Variants in CNTNAP5 observed in about 807,000 individuals in gnomAD.
The protein encoded by CNTNAP5 is contactin-associated protein-like 5.
In CNTNAP5, 72 loss-of-function variants were observed where a neutral mutation model predicts 150.2. The observed-to-expected ratio is 0.48, with a 90% CI of 0.40 to 0.58. The LOEUF (loss-of-function observed/expected upper bound fraction) is 0.58. Ranked by LOEUF, CNTNAP5 falls within the 20% of genes least tolerant of loss-of-function variation. The pLI, the probability that CNTNAP5 is intolerant of heterozygous loss-of-function variation, is 0.00. For missense variants in CNTNAP5, 1,636 were observed against 1,626.2 expected, an observed-to-expected ratio of 1.01 and a Z score of -0.10; for synonymous variants, 672 against 619.8, an observed-to-expected ratio of 1.08 and a Z score of -1.25.
At chr2:124,388,552 C>T (rs1690993767) in intron 3 of CNTNAP5, among the ~76,000 whole-genome samples, 1 of 152,168 alleles carries the variant, frequency 6.6e-6, no homozygotes, top group African/African-American at 2.4e-5. Context: ...ATTCTAGGCC[C>T]AGTGCCAGGG....
chr2:124,510,223 A>G (rs903376398), intron 8 of CNTNAP5, among the ~76,000 whole-genome samples: 2 of 123,500 alleles, frequency 1.6e-5, no homozygotes, highest in Non-Finnish European at 3.5e-5. Context: ...CAAACAAAAA[A>G]GTAAATTATA....
At position 124,562,450 on chromosome 2, in the gene CNTNAP5, T is replaced by C. The variant is rs988477212; in HGVS notation, c.1650-767T>C. Among the ~76,000 whole-genome samples, 5 of 152,330 alleles carry C rather than the reference T, an allele frequency of 3.3e-5. No homozygotes were observed. The South Asian group carries it at 1.0e-3, about 32-fold the overall frequency. ...GTAATTTTCTAATGTTGGACACTTA[T>C]GTTGATTCACCATTATGAATGGCAT... On this transcript the variant is annotated intron_variant, in intron 10 of 23. Transcript: ENST00000682447.
intron 13 of CNTNAP5, among the ~76,000 whole-genome samples, chr2:124,729,926 A>G (rs1331635140): frequency 1.3e-5 from 2 of 152,120 alleles, no homozygotes; most frequent in Non-Finnish European, 2.9e-5. Flanking sequence ...TATTTCTGTC[A>G]GCTGAAAGGC....
intron 1 of CNTNAP5, among the ~76,000 whole-genome samples, chr2:124,140,255 A>C (rs1262451297): frequency 6.6e-6 from 1 of 151,034 alleles, no homozygotes; most frequent in East Asian, 2.0e-4. Flanking sequence ...TAAACAAAGC[A>C]GCCGGGAAGC....
Position 124,207,050 on chromosome 2 carries a change from C to T in CNTNAP5, c.83-14655C>T, listed in dbSNP as rs539717892. On this transcript the variant is annotated intron_variant, in intron 1 of 23. Coordinates refer to ENST00000682447, the MANE Select transcript of CNTNAP5 (RefSeq NM_001367498.1). Reference sequence around the variant, plus strand: ...ATCAAATGGTAGCCATTCACATTTTCTTAGTATGCTGAATTTATTCCCAAG... The same window carrying T: ...ATCAAATGGTAGCCATTCACATTTTTTTAGTATGCTGAATTTATTCCCAAG... Among the ~76,000 whole-genome samples, 6 of 152,258 alleles carry T rather than the reference C, an allele frequency of 3.9e-5. No homozygotes were observed. In the South Asian group the frequency reaches 1.2e-3, roughly 32 times the overall value.
chr2:124,901,565 G>A (rs778978814), intron 21 of CNTNAP5, among the ~76,000 whole-genome samples: 1 of 152,146 alleles, frequency 6.6e-6, no homozygotes, highest in Non-Finnish European at 1.5e-5. Flanking sequence ...TATTCCCCAA[G>A]AGTGTCAAGA....
At chr2:124,081,967 A>C (rs1682568184) in intron 1 of CNTNAP5, among the ~76,000 whole-genome samples, 1 of 152,150 alleles carries the variant, frequency 6.6e-6, no homozygotes, top group South Asian at 2.1e-4. Context: ...GCCCTTTTAT[A>C]GTCAGTTTCT....
At chr2:124,297,906 G>A (rs906089881) in intron 3 of CNTNAP5, among the ~76,000 whole-genome samples, 5 of 150,796 alleles carry the variant, frequency 3.3e-5, no homozygotes, top group Non-Finnish European at 5.9e-5. Flanking sequence ...GTGCAGTGGC[G>A]CAATCTTGGC....
intron 3 of CNTNAP5, among the ~76,000 whole-genome samples, chr2:124,267,806 A>G (rs1385862144): frequency 6.6e-6 from 1 of 152,208 alleles, no homozygotes; most frequent in African/African-American, 2.4e-5. Flanking sequence ...TGCTCCTGGC[A>G]AGCAAACTGT....
chr2:124,531,281 G>C (rs1302993411), intron 10 of CNTNAP5, among the ~76,000 whole-genome samples: 1 of 152,102 alleles, frequency 6.6e-6, no homozygotes, highest in Non-Finnish European at 1.5e-5. Context: ...AGTAATGTGA[G>C]TGACGAGGAG....
At chr2:124,526,556 G>GCT (rs1337605141) in intron 9 of CNTNAP5, among the ~76,000 whole-genome samples, 1 of 152,086 alleles carries the variant, frequency 6.6e-6, no homozygotes, top group Non-Finnish European at 1.5e-5. Context: ...TACCTGCAAG[G>GCT]CTCTATACCT....
chr2:124,371,226 C>G (rs1690517237), intron 3 of CNTNAP5, among the ~76,000 whole-genome samples: 1 of 152,054 alleles, frequency 6.6e-6, no homozygotes, highest in African/African-American at 2.4e-5. Context: ...TTGCTGTTTT[C>G]TCAAAATTGC....
intron 1 of CNTNAP5, among the ~76,000 whole-genome samples, chr2:124,161,937 T>C (rs1684690457): frequency 6.6e-6 from 1 of 152,186 alleles, no homozygotes; most frequent in Non-Finnish European, 1.5e-5. Flanking sequence ...TATTTAATCA[T>C]ATCAAGACTT....
chr2:124,477,423 A>G (rs1214842341), intron 7 of CNTNAP5, among the ~76,000 whole-genome samples: 1 of 152,110 alleles, frequency 6.6e-6, no homozygotes, highest in African/African-American at 2.4e-5. Context: ...TCACACTTGG[A>G]TTAAAGATTG....
intron 7 of CNTNAP5, among the ~76,000 whole-genome samples, chr2:124,489,547 G>A (rs995818767): frequency 6.6e-6 from 1 of 152,166 alleles, no homozygotes; most frequent in Non-Finnish European, 1.5e-5. Flanking sequence ...TGAATTTAGA[G>A]GAAACACAGT....
chr2:124,231,677 G>A (rs1340751142), intron 2 of CNTNAP5, among the ~76,000 whole-genome samples: 1 of 152,112 alleles, frequency 6.6e-6, no homozygotes, highest in Admixed American at 6.6e-5. Flanking sequence ...ATGCCTGAGG[G>A]AAAAACTAAC....
chr2:124,098,954 A>G (rs1326571429), intron 1 of CNTNAP5, among the ~76,000 whole-genome samples: 1 of 152,178 alleles, frequency 6.6e-6, no homozygotes, highest in East Asian at 1.9e-4. Flanking sequence ...TAATGATAAT[A>G]ATACTAACAT....
chr2:124,112,723 A>T (rs1007717951), intron 1 of CNTNAP5, among the ~76,000 whole-genome samples: 1 of 152,098 alleles, frequency 6.6e-6, no homozygotes, highest in African/African-American at 2.4e-5. Flanking sequence ...TCCTCCCAAA[A>T]AAAACCCCAT....
intron 13 of CNTNAP5, among the ~76,000 whole-genome samples, chr2:124,706,792 A>AAGAAGG (rs1159335277): frequency 8.1e-5 from 2 of 24,540 alleles, no homozygotes; most frequent in African/African-American, 1.6e-4. Context: ...GAAGAAGAAG[A>AAGAAGG]AGAAGGAGGA....
Sources: allele counts gnomAD v4.1 joint callset (sites outside exome capture counted in the v4.1 genomes callset), GRCh38; gene constraint gnomAD v4.1.1; transcripts MANE v1.5; gene names NCBI Gene and HGNC (gene_info 2026-07-23, HGNC 2026-07-21).